The following PTPRR variants were observed in gnomAD, a reference collection of about 807,000 sequenced individuals.
PTPRR encodes protein tyrosine phosphatase receptor type R.
PTPRR carries 38 observed loss-of-function variants against 77.2 expected under a neutral mutation model. The observed-to-expected ratio is 0.49, with a 90% CI of 0.38 to 0.65. PTPRR has a LOEUF of 0.65. PTPRR is among the 30% of genes least tolerant of loss of function. The pLI, the probability that PTPRR is intolerant of heterozygous loss-of-function variation, is 0.00. For missense variants in PTPRR, 744 were observed against 799.2 expected (o/e 0.93, Z 0.83); for synonymous variants, 299 against 283.1 (o/e 1.06, Z -0.57).
chr12:70,693,752 T>G (rs1888134921), intron 8 of PTPRR, among the ~76,000 whole-genome samples: 1 of 152,066 alleles, frequency 6.6e-6, no homozygotes, highest in Admixed American at 6.6e-5. Flanking sequence ...ATCATCATCG[T>G]TTTCATCACT....
rs374866941 is a variant in PTPRR, at chr12:70,684,142, G to A, written c.1482C>T (p.Leu494=). The A allele has an allele frequency of 6.2e-7, 1 of 1,607,928 alleles. No homozygotes were observed. Among genetic ancestry groups the A allele is most frequent in the Non-Finnish European group, 8.5e-7 (1 of 1,178,016 alleles). ...AAGATCATACCTCATTTTTTTCTTT[G>A]AGTTTTGTGATCATAACAATCACAG... ...DSPVIVMITK[L]KEKNEKCVLY... is the part of the protein sequence containing the mutation. The change falls in exon 10 of 14, where the codon CTC becomes CTT. Residue 494 remains leucine, a synonymous_variant. Transcript: ENST00000283228.
At chr12:70,819,819 T>C (rs1891972417) in intron 2 of PTPRR, among the ~76,000 whole-genome samples, 1 of 152,056 alleles carries the variant, frequency 6.6e-6, no homozygotes, top group African/African-American at 2.4e-5. Context: ...CATTAAATTG[T>C]CCAATAATAT....
chr12:70,791,658 T>C (rs548307845), intron 2 of PTPRR, among the ~76,000 whole-genome samples: 2 of 152,174 alleles, frequency 1.3e-5, no homozygotes, highest in South Asian at 2.1e-4. Flanking sequence ...TTTGGATGAA[T>C]GAATAAAGCA....
chr12:70,911,494 A>T (rs1425751205), intron 1 of PTPRR, among the ~76,000 whole-genome samples: 1 of 152,224 alleles, frequency 6.6e-6, no homozygotes, highest in Non-Finnish European at 1.5e-5. Context: ...TATGATGTTT[A>T]TGTAAATGTT....
At chr12:70,677,178 A>T (rs1417720593) in intron 10 of PTPRR, among the ~76,000 whole-genome samples, 1 of 152,144 alleles carries the variant, frequency 6.6e-6, no homozygotes, top group Non-Finnish European at 1.5e-5. Context: ...TATTGGTAGC[A>T]ATTGTAAATG....
chr12:70,748,534 T>C (rs1247026134), intron 5 of PTPRR, among the ~76,000 whole-genome samples: 4 of 151,968 alleles, frequency 2.6e-5, no homozygotes, highest in Non-Finnish European at 5.9e-5. Flanking sequence ...AGTCATGTAA[T>C]AATTTAAAAA....
intron 2 of PTPRR, among the ~76,000 whole-genome samples, chr12:70,885,121 T>G (rs1893216562): frequency 6.6e-6 from 1 of 152,096 alleles, no homozygotes; most frequent in African/African-American, 2.4e-5. Context: ...TATATTACAA[T>G]TATATGAAGA....
chr12:70,748,853 C>T (rs1054358773), intron 5 of PTPRR, among the ~76,000 whole-genome samples: 1 of 152,048 alleles, frequency 6.6e-6, no homozygotes, highest in Non-Finnish European at 1.5e-5. Context: ...TTTAATAATC[C>T]TGAGTCAATC....
intron 5 of PTPRR, among the ~76,000 whole-genome samples, chr12:70,748,993 A>G (rs1890300839): frequency 6.6e-6 from 1 of 152,198 alleles, no homozygotes; most frequent in Non-Finnish European, 1.5e-5. Context: ...ACTAAGTGCA[A>G]AAATAGAGGT....
At chr12:70,649,484 G>A (rs546546431) in intron 13 of PTPRR, among the ~76,000 whole-genome samples, 4 of 152,240 alleles carry the variant, frequency 2.6e-5, no homozygotes, top group Admixed American at 1.3e-4. Context: ...GTATTCTGCC[G>A]AATACAAAAT....
At chr12:70,684,337 C>A in intron 9 of PTPRR, 73 bp from the exon 10 acceptor site, 1 of 1,519,042 alleles carries the variant, frequency 6.6e-7, no homozygotes, top group Non-Finnish European at 9.0e-7. Context: ...GGTGAAAGAT[C>A]TTCAACGAAA....
At chr12:70,710,927 A>G (rs571223315) in intron 6 of PTPRR, among the ~76,000 whole-genome samples, 218 of 152,292 alleles carry the variant, frequency 1.4e-3, no homozygotes, top group African/African-American at 4.6e-3. Flanking sequence ...GTGGAGAAAA[A>G]GGAATGCTTA....
chr12:70,652,236 C>T (rs1265940370), intron 13 of PTPRR, among the ~76,000 whole-genome samples: 3 of 151,968 alleles, frequency 2.0e-5, no homozygotes, highest in Non-Finnish European at 1.5e-5. Flanking sequence ...CAGTTAGCCA[C>T]ACATTGGAAT....
At chr12:70,812,219 T>G (rs926788795) in intron 2 of PTPRR, among the ~76,000 whole-genome samples, 18 of 152,204 alleles carry the variant, frequency 1.2e-4, no homozygotes, top group Non-Finnish European at 2.6e-4. Flanking sequence ...TATAAGATGC[T>G]GTTGTAAATG....
intron 2 of PTPRR, among the ~76,000 whole-genome samples, chr12:70,851,982 G>A (rs546555363): frequency 6.6e-6 from 1 of 151,834 alleles, no homozygotes; most frequent in African/African-American, 2.4e-5. Context: ...TCAGTACCAT[G>A]GTTCTGGGAA....
intron 6 of PTPRR, among the ~76,000 whole-genome samples, chr12:70,716,997 T>C (rs1207854308): frequency 6.6e-6 from 1 of 152,214 alleles, no homozygotes; most frequent in Admixed American, 6.5e-5. Flanking sequence ...CTAAACTTAC[T>C]ATATTCAACA....
At chr12:70,797,569 A>C (rs1015764199) in intron 2 of PTPRR, among the ~76,000 whole-genome samples, 1 of 152,124 alleles carries the variant, frequency 6.6e-6, no homozygotes, top group East Asian at 1.9e-4. Context: ...CTGCTCTTCA[A>C]TCACTCTCAT....
intron 2 of PTPRR, among the ~76,000 whole-genome samples, chr12:70,848,246 T>C (rs1195643150): frequency 2.6e-5 from 4 of 152,210 alleles, no homozygotes; most frequent in African/African-American, 9.6e-5. Flanking sequence ...CCATTTGCAA[T>C]AGTTATCCGG....
intron 10 of PTPRR, chr12:70,672,982 T>C: frequency 7.2e-7 from 1 of 1,379,774 alleles, no homozygotes; most frequent in Non-Finnish European, 9.5e-7. Context: ...CTCTTCTAGG[T>C]AGAAGGGAGA....
Sources: gnomAD v4.1 joint callset for allele counts (sites outside exome capture counted in the v4.1 genomes callset) on GRCh38, gnomAD v4.1.1 for gene constraint, MANE v1.5 for transcripts, NCBI Gene and HGNC (gene_info 2026-07-23, HGNC 2026-07-21) for gene names.